Variants in HSBP1L1 observed in about 807,000 individuals in gnomAD.
The protein encoded by HSBP1L1 is heat shock factor-binding protein 1-like protein 1.
HSBP1L1 carries 8 observed loss-of-function variants against 9.7 expected under a neutral mutation model. The ratio of observed to expected loss-of-function variants is 0.82; its 90% CI spans 0.48 to 1.48. The LOEUF is 1.48. Ranked by LOEUF, HSBP1L1 falls within the 40% of genes most tolerant of loss-of-function variation. The pLI, the probability that HSBP1L1 is intolerant of heterozygous loss-of-function variation, is 0.00. For missense variants in HSBP1L1, 106 were observed against 95.8 expected, an observed-to-expected ratio of 1.11 and a Z score of -0.44; for synonymous variants, 39 against 34.4, an observed-to-expected ratio of 1.13 and a Z score of -0.46.
At chr18:79,969,365 AAGAAAGAAAGAAAGAAAG>A (rs1380070461) in intron 3 of HSBP1L1, among the ~76,000 whole-genome samples, 13 of 49,314 alleles carry the variant, frequency 2.6e-4, no homozygotes, top group African/African-American at 6.1e-4. Flanking sequence ...GAAAGAAAGA[AAGAAAGAAAGAAAGAAAG>A]AAAGAAAGAA....
rs529901642 is a variant in HSBP1L1 at position 79,969,395 on chromosome 18, A to G, written c.214-1045A>G. 7.4e-3 allele frequency among the ~76,000 whole-genome samples: 85 copies of G among 11,456 alleles called. 1 individual carries two copies. The highest frequency in any genetic ancestry group is 9.6e-3 in the African/African-American group (74 of 7,714). The allele number at this position is 11,456 out of a possible 152,430, so 7.5% of individuals were successfully genotyped here. On this transcript the variant is annotated intron_variant, in intron 3 of 3. Coordinates refer to ENST00000451882, the MANE Select transcript of HSBP1L1 (RefSeq NM_001136180.2). ...AGAAAGAAAGAAAGAAAGAAAGAAA[A>G]AAAAACGATGCAGAATAGCGCCCAC...
At chr18:79,966,026 G>T (rs912177876) in intron 1 of HSBP1L1, among the ~76,000 whole-genome samples, 1 of 152,058 alleles carries the variant, frequency 6.6e-6, no homozygotes, top group African/African-American at 2.4e-5. Context: ...CCGCCTCCCG[G>T]GTTCACGCCA....
Position 79,964,643 on chromosome 18 carries a change from A to C in HSBP1L1, c.-93A>C, listed in dbSNP as rs1239272434. On this transcript the variant is annotated 5_prime_UTR_variant, in exon 1 of 4. Coordinates refer to ENST00000451882, the MANE Select transcript of HSBP1L1 (RefSeq NM_001136180.2). ...TCCGCCCGAGGCCTCCCGGCGGCCCATACGGGAATCGCGGAGCTTAGCTGT... is the reference window on the plus strand; with the variant it reads ...TCCGCCCGAGGCCTCCCGGCGGCCCCTACGGGAATCGCGGAGCTTAGCTGT... 1 of 688,906 alleles carries C rather than the reference A, an allele frequency of 1.5e-6. No homozygotes were observed. The highest frequency in any genetic ancestry group is 2.2e-6 in the Non-Finnish European group (1 of 453,856). 42.7% of individuals were successfully genotyped at this position (688,906 alleles called of 1,614,324 possible).
At chr18:79,968,857 G>A (rs917201157) in intron 3 of HSBP1L1, among the ~76,000 whole-genome samples, 14 of 151,972 alleles carry the variant, frequency 9.2e-5, no homozygotes, top group Admixed American at 3.3e-4. Context: ...AGGATCAGAG[G>A]CATGTTTAAA....
At chr18:79,967,335 G>A (rs989213817) in intron 2 of HSBP1L1, among the ~76,000 whole-genome samples, 1 of 152,098 alleles carries the variant, frequency 6.6e-6, no homozygotes, top group Non-Finnish European at 1.5e-5. Context: ...CAGGATCCCA[G>A]ATACGGCTCT....
intron 3 of HSBP1L1, among the ~76,000 whole-genome samples, chr18:79,969,386 A>G (rs1256023944): frequency 1.1e-4 from 7 of 62,428 alleles, no homozygotes; most frequent in Middle Eastern, 7.4e-3. Context: ...AAAGAAAGAA[A>G]GAAAGAAAAA....
At position 79,968,084 on chromosome 18, in the gene HSBP1L1, T is replaced by C. The variant is rs922711334; in HGVS notation, c.119-5T>C. Reference sequence around the variant, plus strand: ...AGCTCTACGCAGAGCGCCTTAACACTGTACTGGAAGAAATGGGAAATCGCA... The same window carrying C: ...AGCTCTACGCAGAGCGCCTTAACACCGTACTGGAAGAAATGGGAAATCGCA... On this transcript the variant is annotated splice_polypyrimidine_tract_variant and splice_region_variant and intron_variant, in intron 2 of 3. Transcript: ENST00000451882. 26 of 1,540,158 alleles carry C rather than the reference T, an allele frequency of 1.7e-5. No individual in the cohort carries two copies. In the Admixed American group the frequency reaches 2.4e-4, roughly 14 times the overall value.
chr18:79,967,645 T>C (rs2051264027), intron 2 of HSBP1L1: 1 of 152,840 alleles, frequency 6.5e-6, no homozygotes, highest in African/African-American at 2.4e-5. Context: ...AGCTGGGTGG[T>C]AGTCTATAGT....
At chr18:79,967,147 C>CAAAAAAAAAAAAAAAAAAAA (rs5826682) in intron 2 of HSBP1L1, among the ~76,000 whole-genome samples, 11 of 105,178 alleles carry the variant, frequency 1.0e-4, no homozygotes, top group African/African-American at 3.7e-4. Flanking sequence ...GACTCCGTCT[C>CAAAAAAAAAAAAAAAAAAAA]AAAAAAAAAA....
chr18:79,965,037 G>C (rs1347542757), intron 1 of HSBP1L1, among the ~76,000 whole-genome samples: 2 of 139,386 alleles, frequency 1.4e-5, no homozygotes, highest in East Asian at 4.5e-4. Context: ...GGGGGGGCCT[G>C]AGGTGCAGGG....
chr18:79,966,888 C>T lies in HSBP1L1; in HGVS notation c.118+210C>T, dbSNP rs1361625519. The stretch of plus-strand genomic sequence containing the variant: ...CTCCGGCCGGGTGCAGTGGCTCACG[C>T]CTGTAATCCCAGCACTTTGGGAGGC... On this transcript the variant is annotated intron_variant, in intron 2 of 3. Coordinates refer to ENST00000451882, the MANE Select transcript of HSBP1L1 (RefSeq NM_001136180.2). 4 of 463,160 alleles carry T rather than the reference C, an allele frequency of 8.6e-6. No homozygotes were observed. The Admixed American group carries it at 1.5e-4, about 17-fold the overall frequency. 28.7% of individuals were successfully genotyped at this position (463,160 alleles called of 1,614,324 possible).
At chr18:79,968,567 C>G (rs1330318599) in intron 3 of HSBP1L1, among the ~76,000 whole-genome samples, 1 of 152,100 alleles carries the variant, frequency 6.6e-6, no homozygotes, top group Non-Finnish European at 1.5e-5. Context: ...CTCAGGTGAT[C>G]CACCCACCTT....
In HSBP1L1 at chr18:79,964,683, G is replaced by T; in HGVS notation, c.-53G>T. On this transcript the variant is annotated 5_prime_UTR_variant, in exon 1 of 4. Coordinates refer to ENST00000451882, the MANE Select transcript of HSBP1L1 (RefSeq NM_001136180.2). The stretch of plus-strand genomic sequence containing the variant: ...AGCTTAGCTGTCGCCACCTCGCGCC[G>T]GGTCCGCGCGGCCCACGGGACCCCC... The T allele has an allele frequency of 8.8e-7, 1 of 1,133,318 alleles. No homozygotes were observed. The highest frequency in any genetic ancestry group is 1.2e-6 in the Non-Finnish European group (1 of 834,762). The allele number at this position is 1,133,318 out of a possible 1,614,324, so 70.2% of individuals were successfully genotyped here. A position where few individuals can be genotyped will look rare whatever the true frequency, so the allele number is the denominator to read the frequency against.
chr18:79,965,281 G>A lies in HSBP1L1; in HGVS notation c.51+495G>A, dbSNP rs565658506. Among the ~76,000 whole-genome samples the A allele has an allele frequency of 5.3e-5, 8 of 152,332 alleles. No homozygotes were observed. In the South Asian group the frequency reaches 1.7e-3, roughly 32 times the overall value. ...GCCAAAGAGTTCCAGGCCCACAAGA[G>A]GACTGGCTATGAGGAAGAGACCTGG... On this transcript the variant is annotated intron_variant, in intron 1 of 3. Transcript: ENST00000451882.
At chr18:79,969,379 GAAAGAAAGAAAGA>G (rs2051281680) in intron 3 of HSBP1L1, among the ~76,000 whole-genome samples, 1 of 56,698 alleles carries the variant, frequency 1.8e-5, no homozygotes, top group Non-Finnish European at 4.2e-5. Context: ...AAGAAAGAAA[GAAAGAAAGAAAGA>G]AAAAAAAACG....
intron 1 of HSBP1L1, 137 bp from the exon 2 acceptor site, chr18:79,966,475 G>T: frequency 1.7e-6 from 1 of 602,452 alleles, no homozygotes; most frequent in Non-Finnish European, 3.0e-6. Context: ...TCCAGGAGGC[G>T]GAGGTTGTAG....
At position 79,966,659 on chromosome 18, in the gene HSBP1L1, G is replaced by C. The variant is rs535972689; in HGVS notation, c.99G>C (p.Thr33=). The C allele has an allele frequency of 2.9e-5, 45 of 1,549,488 alleles. No individual in the cohort carries two copies. The highest frequency in any genetic ancestry group is 3.9e-5 in the Non-Finnish European group (45 of 1,145,560). The change falls in exon 2 of 4, where the codon ACG becomes ACC. Residue 33 remains threonine, a synonymous_variant. Transcript: ENST00000451882. ...TTCAGGAACATTTTCAAGCTCTGAC[G>C]GCAACATTAAACCTCAGAAATATCC... ...QELQEHFQAL[T]ATLNLRMEEM...
At chr18:79,969,191 AAAAGAAAGGAAAGAAAG>A (rs1439565541) in intron 3 of HSBP1L1, among the ~76,000 whole-genome samples, 1 of 57,276 alleles carries the variant, frequency 1.7e-5, no homozygotes, top group Non-Finnish European at 3.9e-5. Flanking sequence ...AACATGAAAG[AAAAGAAAGGAAAGAAAG>A]AAAGAAAGAA....
At chr18:79,968,237 A>G in intron 3 of HSBP1L1, 54 bp downstream of exon 3, 1 of 1,010,012 alleles carries the variant, frequency 9.9e-7, no homozygotes, top group Non-Finnish European at 1.5e-6. Context: ...GACTGCTTTC[A>G]TCTTGAAACA....
Sources: gnomAD v4.1 joint callset for allele counts (sites outside exome capture counted in the v4.1 genomes callset) on GRCh38, gnomAD v4.1.1 for gene constraint, MANE v1.5 for transcripts, NCBI Gene and HGNC (gene_info 2026-07-23, HGNC 2026-07-21) for gene names.